The following CMTM8 variants were observed in gnomAD, a reference collection of about 807,000 sequenced individuals.
CMTM8 encodes CKLF like MARVEL transmembrane domain containing 8.
In CMTM8, 12 loss-of-function variants were observed where a neutral mutation model predicts 18.6. That is an observed-to-expected ratio of 0.65 (90% CI 0.41 to 1.05). The LOEUF (loss-of-function observed/expected upper bound fraction) is 1.05. CMTM8 is among the 50% of genes least tolerant of loss of function. The pLI is 0.00. For synonymous variants in CMTM8, 87 were observed against 90.6 expected (o/e 0.96, Z 0.23); for missense variants, 217 against 227.2 (o/e 0.95, Z 0.29).
At chr3:32,264,161 A>G (rs1285659526) in intron 1 of CMTM8, among the ~76,000 whole-genome samples, 1 of 152,198 alleles carries the variant, frequency 6.6e-6, no homozygotes, top group Non-Finnish European at 1.5e-5. Flanking sequence ...GATTCACCAA[A>G]GTTGAAATGA....
intron 1 of CMTM8, among the ~76,000 whole-genome samples, chr3:32,306,163 T>G (rs1337198244): frequency 1.3e-5 from 2 of 152,206 alleles, no homozygotes; most frequent in African/African-American, 4.8e-5. Context: ...GTGTCACTCA[T>G]TCATCTGTGA....
chr3:32,365,699 G>A (rs1010688531), intron 2 of CMTM8, among the ~76,000 whole-genome samples: 5 of 152,070 alleles, frequency 3.3e-5, no homozygotes, highest in Admixed American at 2.0e-4. Flanking sequence ...TACTCGCCTC[G>A]GCCTCCCAGA....
At position 32,254,423 on chromosome 3, in the gene CMTM8, G is replaced by A. The variant is rs145419060; in HGVS notation, c.147+15304G>A. Among the ~76,000 whole-genome samples the A allele has an allele frequency of 4.7e-4, 72 of 151,854 alleles. No individual in the cohort carries two copies. The East Asian group carries it at 5.0e-3, about 11-fold the overall frequency. On this transcript the variant is annotated intron_variant, in intron 1 of 3. Coordinates refer to ENST00000307526, the MANE Select transcript of CMTM8 (RefSeq NM_178868.5). ...TGTATCATATAGTTAGATTTTATTT[G>A]TATACCCAGTCTGAGAACGTGTCTT...
intron 1 of CMTM8, among the ~76,000 whole-genome samples, chr3:32,306,921 A>T (rs1348925692): frequency 6.6e-6 from 1 of 152,204 alleles, no homozygotes; most frequent in Non-Finnish European, 1.5e-5. Flanking sequence ...AAAAATGGAG[A>T]GAAGATGCCA....
chr3:32,342,428 G>A (rs1332786637), intron 1 of CMTM8, among the ~76,000 whole-genome samples: 3 of 152,202 alleles, frequency 2.0e-5, no homozygotes, highest in African/African-American at 7.2e-5. Context: ...TAGTCACACA[G>A]GTGGTAAGAA....
intron 1 of CMTM8, among the ~76,000 whole-genome samples, chr3:32,319,074 A>ATATATATATATATATATATATATTTTT: frequency 3.2e-5 from 1 of 31,530 alleles, no homozygotes; most frequent in South Asian, 1.4e-3. Context: ...ATATATATAT[A>ATATATATATATATATATATATATTTTT]TTTTTTTTTT....
intron 1 of CMTM8, among the ~76,000 whole-genome samples, chr3:32,293,945 A>T (rs895882471): frequency 1.3e-5 from 2 of 152,132 alleles, no homozygotes; most frequent in African/African-American, 2.4e-5. Context: ...GTGCAGGTGT[A>T]TCTGTAGGTT....
chr3:32,351,094 C>T (rs890284178), intron 1 of CMTM8, among the ~76,000 whole-genome samples: 3 of 152,294 alleles, frequency 2.0e-5, no homozygotes, highest in East Asian at 1.9e-4. Context: ...TGCTAAAATA[C>T]ATGAAATACA....
At chr3:32,349,308 G>GA (rs898933484) in intron 1 of CMTM8, among the ~76,000 whole-genome samples, 1 of 152,006 alleles carries the variant, frequency 6.6e-6, no homozygotes, top group African/African-American at 2.4e-5. Context: ...GTGTGTTGGG[G>GA]AATCCCCAAA....
intron 1 of CMTM8, among the ~76,000 whole-genome samples, chr3:32,319,057 C>CATACATATATATATGTATATATATAT (rs1206855049): frequency 8.7e-5 from 4 of 45,886 alleles, no homozygotes; most frequent in African/African-American, 3.9e-4. Context: ...TGTGTATATA[C>CATACATATATATATGTATATATATAT]ATATATATAT....
At position 32,260,349 on chromosome 3, in the gene CMTM8, A is replaced by G. The variant is rs1055098570; in HGVS notation, c.147+21230A>G. ...TAAATATAATGAACTATACGTTAAT[A>G]TTTTGCCTATATTTTTCATGTGCTT... On this transcript the variant is annotated intron_variant, in intron 1 of 3. Transcript: ENST00000307526. 4 of 546,482 alleles carry G rather than the reference A, an allele frequency of 7.3e-6. No homozygotes were observed. The African/African-American group carries it at 7.6e-5, about 10-fold the overall frequency. The allele number at this position is 546,482 out of a possible 1,614,324, so 33.9% of individuals were successfully genotyped here.
At chr3:32,360,822 G>A (rs1468644018) in intron 2 of CMTM8, among the ~76,000 whole-genome samples, 1 of 152,206 alleles carries the variant, frequency 6.6e-6, no homozygotes, top group Non-Finnish European at 1.5e-5. Context: ...GATTTGTACT[G>A]ACTGAATCAG....
intron 1 of CMTM8, among the ~76,000 whole-genome samples, chr3:32,342,051 C>G (rs527740625): frequency 2.0e-5 from 3 of 152,022 alleles, no homozygotes; most frequent in Non-Finnish European, 4.4e-5. Context: ...AGTTTGAGAC[C>G]AGCCTGGCCA....
intron 1 of CMTM8, among the ~76,000 whole-genome samples, chr3:32,278,555 A>C (rs149880397): frequency 2.6e-5 from 4 of 152,148 alleles, no homozygotes; most frequent in Non-Finnish European, 5.9e-5. Flanking sequence ...ATCTCTTTCA[A>C]CACACCTCCA....
intron 1 of CMTM8, among the ~76,000 whole-genome samples, chr3:32,242,858 C>CA: frequency 6.8e-6 from 1 of 147,352 alleles, no homozygotes; most frequent in South Asian, 2.4e-4. Flanking sequence ...AAACAAAATA[C>CA]AATTTTTTTT....
In CMTM8 at chr3:32,355,184, G is replaced by T. The variant is rs117837499; in HGVS notation, c.148-2189G>T. Among the ~76,000 whole-genome samples the T allele has an allele frequency of 3.9e-5, 6 of 152,262 alleles. No individual in the cohort carries two copies. In the East Asian group the frequency reaches 1.2e-3, roughly 29 times the overall value. ...GTCTGATGGCTTCAAGATCTTCACAGGAAGTCTTCTTAAAGAAGGGCCTGA... is the reference window on the plus strand; with the variant it reads ...GTCTGATGGCTTCAAGATCTTCACATGAAGTCTTCTTAAAGAAGGGCCTGA... On this transcript the variant is annotated intron_variant, in intron 1 of 3. Transcript: ENST00000307526.
chr3:32,357,581 C>G (rs542438066), intron 2 of CMTM8, 35 bp downstream of exon 2: 1 of 1,603,868 alleles, frequency 6.2e-7, no homozygotes, highest in South Asian at 1.1e-5. Context: ...TTGTCCAGTG[C>G]CCACTCGGTA....
chr3:32,258,927 GC>G (rs1702212927), intron 1 of CMTM8: 5 of 304,328 alleles, frequency 1.6e-5, no homozygotes, highest in South Asian at 3.7e-5. Context: ...CCACCCCACT[GC>G]CCCCGGACAG....
rs375791596 is a variant in CMTM8, at chr3:32,255,298, G to A, written c.147+16179G>A. On this transcript the variant is annotated intron_variant, in intron 1 of 3. Coordinates refer to ENST00000307526, the MANE Select transcript of CMTM8 (RefSeq NM_178868.5). ...ATTTCATGCTGTTAAGAGTGGAACC[G>A]CTATCATCATATGGTAACCCTCCAT... Among the ~76,000 whole-genome samples, 78 of 152,176 alleles carry A rather than the reference G, an allele frequency of 5.1e-4. 2 individuals carry two copies. Among genetic ancestry groups the A allele is most frequent in the East Asian group, 4.2e-3 (22 of 5,186 alleles).
Sources: allele counts gnomAD v4.1 joint callset (sites outside exome capture counted in the v4.1 genomes callset), GRCh38; gene constraint gnomAD v4.1.1; transcripts MANE v1.5; gene names NCBI Gene and HGNC (gene_info 2026-07-23, HGNC 2026-07-21).